PCDHGB2: variants seen among roughly 807,000 people sequenced by gnomAD.
PCDHGB2 encodes protocadherin gamma subfamily B, 2, also known as protocadherin gamma-B2.
A neutral mutation model predicts 59.3 loss-of-function variants in PCDHGB2; 55 were observed. The ratio of observed to expected loss-of-function variants is 0.93; its 90% CI spans 0.75 to 1.16. PCDHGB2 has a LOEUF of 1.16. PCDHGB2 is among the 50% of genes most tolerant of loss of function. The pLI is 0.00. For synonymous variants in PCDHGB2, 516 were observed against 512.0 expected (o/e 1.01, Z -0.11); for missense variants, 1,228 against 1,198.5 (o/e 1.02, Z -0.36).
At position 141,431,424 on chromosome 5, in the gene PCDHGB2, G is replaced by A; in HGVS notation, c.2422-63383G>A. The A allele has an allele frequency of 1.9e-6, 3 of 1,613,676 alleles. No individual in the cohort carries two copies. The highest frequency in any genetic ancestry group is 2.5e-6 in the Non-Finnish European group (3 of 1,180,028). On this transcript the variant is annotated intron_variant, in intron 1 of 3. Coordinates refer to ENST00000522605, the MANE Select transcript of PCDHGB2 (RefSeq NM_018923.3). The surrounding 1 kb of genome is among the most constrained non-coding windows in gnomAD (Gnocchi z 4.8). ...GCCTCCGACGGGGGCGACCCGGTGC[G>A]CACAGGCACCGCGCGCATCCGCGTG... is the stretch of plus-strand genomic sequence containing the variant.
At chr5:141,375,705 C>G (rs1257909608) in intron 1 of PCDHGB2, 26 of 1,614,162 alleles carry the variant, frequency 1.6e-5, no homozygotes, top group Non-Finnish European at 2.1e-5. Context: ...GGGGACCCGC[C>G]TCTTAGCAGC....
intron 1 of PCDHGB2, chr5:141,371,744 C>T: frequency 1.2e-6 from 2 of 1,614,040 alleles, no homozygotes; most frequent in East Asian, 2.2e-5. Flanking sequence ...ACAACGTTCC[C>T]GTTTTCCACC....
At chr5:141,420,213 G>A in intron 1 of PCDHGB2, 1 of 1,611,648 alleles carries the variant, frequency 6.2e-7, no homozygotes, top group Non-Finnish European at 8.5e-7. Flanking sequence ...AACAAAGATA[G>A]CATGCTACTG....
chr5:141,417,711 C>A, intron 1 of PCDHGB2: 1 of 1,261,876 alleles, frequency 7.9e-7, no homozygotes, highest in Non-Finnish European at 1.1e-6. Flanking sequence ...CACAGAGGCT[C>A]CCGGCTGCGC....
chr5:141,491,233 G>T lies in PCDHGB2; in HGVS notation c.2422-3574G>T. 1 of 1,614,224 alleles carries T rather than the reference G, an allele frequency of 6.2e-7. No homozygotes were observed. The highest frequency in any genetic ancestry group is 2.2e-5 in the East Asian group (1 of 44,890). On this transcript the variant is annotated intron_variant, in intron 1 of 3. Transcript: ENST00000522605. The surrounding 1 kb of genome is among the most constrained non-coding windows in gnomAD (Gnocchi z 6.9). ...CTCCTCCACAGCCACAGTGCTGCTG[G>T]TTCTGGAGGATGAGGACCCTGAGGA...
chr5:141,443,029 C>A (rs1281303741), intron 1 of PCDHGB2, among the ~76,000 whole-genome samples: 1 of 152,192 alleles, frequency 6.6e-6, no homozygotes, highest in Admixed American at 6.5e-5. Flanking sequence ...AGTTGCCAGA[C>A]CTAAACTTTG....
Position 141,360,478 on chromosome 5 carries a change from A to C in PCDHGB2, c.343A>C (p.Asn115His). 1 of 1,613,910 alleles carries C rather than the reference A, an allele frequency of 6.2e-7. No homozygotes were observed. Among genetic ancestry groups the C allele is most frequent in the Non-Finnish European group, 8.5e-7 (1 of 1,179,848 alleles). ...DFDTVAENPL[N>H]IFYIAVIVQD... ...CGATACTGTCGCTGAAAATCCACTA[A>C]ATATTTTCTACATAGCAGTAATTGT... The change falls in exon 1 of 4, where the codon AAT (asparagine) becomes CAT (histidine). Residue 115 changes from asparagine (N) to histidine (H), a missense_variant. Physicochemically the swap from Asn to His is moderately conservative, Grantham distance 68 (BLOSUM62 1). Coordinates refer to ENST00000522605, the MANE Select transcript of PCDHGB2 (RefSeq NM_018923.3).
At chr5:141,408,643 C>T (rs751905674) in intron 1 of PCDHGB2, 3 of 1,613,910 alleles carry the variant, frequency 1.9e-6, no homozygotes, top group Non-Finnish European at 1.7e-6. Context: ...AATCTGCATC[C>T]GCTGGTACAC....
chr5:141,374,492 G>T (rs770971184), intron 1 of PCDHGB2: 1 of 1,611,364 alleles, frequency 6.2e-7, no homozygotes, highest in Non-Finnish European at 8.5e-7. Flanking sequence ...CTTAAAGGAA[G>T]AATTGGAAGT....
At position 141,486,364 on chromosome 5, in the gene PCDHGB2, C is replaced by T; in HGVS notation, c.2422-8443C>T. 1 of 1,614,068 alleles carries T rather than the reference C, an allele frequency of 6.2e-7. No homozygotes were observed. The highest frequency in any genetic ancestry group is 1.1e-5 in the South Asian group (1 of 91,074). On this transcript the variant is annotated intron_variant, in intron 1 of 3. Transcript: ENST00000522605. The surrounding 1 kb of genome is among the most constrained non-coding windows in gnomAD (Gnocchi z 5.0). ...TTCCTGACCACTTGCCATTTGCCCT[C>T]AAGTCTGCCTTCAGGAACCAGTTCT...
chr5:141,436,087 T>C (rs927404291), intron 1 of PCDHGB2, among the ~76,000 whole-genome samples: 1 of 152,198 alleles, frequency 6.6e-6, no homozygotes, highest in Non-Finnish European at 1.5e-5. Flanking sequence ...CTATAGGTAA[T>C]ATTGAGAGAA....
chr5:141,375,452 T>C (rs772369254), intron 1 of PCDHGB2: 2 of 1,613,876 alleles, frequency 1.2e-6, no homozygotes, highest in Non-Finnish European at 1.7e-6. Context: ...CCATTCATCC[T>C]ACTCAGTCTA....
intron 1 of PCDHGB2, chr5:141,376,159 C>G: frequency 6.2e-7 from 1 of 1,614,084 alleles, no homozygotes; most frequent in Non-Finnish European, 8.5e-7. Context: ...TCACTCTGTA[C>G]CTGGTGGTGG....
intron 1 of PCDHGB2, chr5:141,414,845 T>C: frequency 1.2e-6 from 2 of 1,614,218 alleles, no homozygotes; most frequent in South Asian, 1.1e-5. Flanking sequence ...CTGTTTGTGC[T>C]GGACCAGAAC....
chr5:141,449,425 G>T (rs1206395356), intron 1 of PCDHGB2, among the ~76,000 whole-genome samples: 2 of 151,688 alleles, frequency 1.3e-5, no homozygotes, highest in Non-Finnish European at 2.9e-5. Context: ...TGGCCAACAT[G>T]ATAAAACTCC....
intron 1 of PCDHGB2, chr5:141,427,931 G>C: frequency 6.3e-7 from 1 of 1,583,764 alleles, no homozygotes; most frequent in Non-Finnish European, 8.6e-7. Flanking sequence ...GGCGCATGTT[G>C]GTGGGCGACC....
intron 1 of PCDHGB2, chr5:141,422,419 A>G (rs1318381358): frequency 8.7e-6 from 14 of 1,607,158 alleles, no homozygotes; most frequent in Non-Finnish European, 1.2e-5. Context: ...ATTAGAAAAG[A>G]CTTATGGAAA....
intron 1 of PCDHGB2, chr5:141,419,831 G>C: frequency 1.9e-6 from 3 of 1,614,048 alleles, no homozygotes; most frequent in Non-Finnish European, 2.5e-6. Context: ...TTCAGCCACT[G>C]CCACGCTGCA....
intron 1 of PCDHGB2, chr5:141,382,788 ATCCT>A: frequency 1.1e-6 from 1 of 917,668 alleles, no homozygotes; most frequent in Non-Finnish European, 1.7e-6. Flanking sequence ...TCAAGCCTCT[ATCCT>A]GCTGGATTCT....
Sources: gnomAD v4.1 joint callset for allele counts (sites outside exome capture counted in the v4.1 genomes callset) on GRCh38, gnomAD v4.1.1 for gene constraint, Gnocchi (gnomAD v3.1) non-coding constraint, MANE v1.5 for transcripts, NCBI Gene and HGNC (gene_info 2026-07-23, HGNC 2026-07-21) for gene names.